ABR: variants seen among roughly 807,000 people sequenced by gnomAD.
ABR encodes the protein ABR activator of RhoGEF and GTPase.
Under a neutral mutation model 107.2 loss-of-function variants are expected in ABR, and 35 were observed. The observed-to-expected ratio is 0.33, with a 90% CI of 0.25 to 0.43. The LOEUF (loss-of-function observed/expected upper bound fraction) is 0.43, where lower values mean the gene tolerates loss of function less well. Among genes scored for constraint, ABR ranks in the 20% least tolerant of loss-of-function variants. The pLI is 1.00. For missense variants in ABR, 815 were observed against 1,115.2 expected, an observed-to-expected ratio of 0.73 and a Z score of 3.83; for synonymous variants, 498 against 462.0, an observed-to-expected ratio of 1.08 and a Z score of -1.00.
intron 2 of ABR, among the ~76,000 whole-genome samples, chr17:1,110,209 G>A (rs999110779): frequency 6.6e-6 from 1 of 151,924 alleles, no homozygotes; most frequent in Admixed American, 6.6e-5. Flanking sequence ...CAGGGAGTGA[G>A]GCCACATTCT....
intron 16 of ABR, chr17:1,022,634 A>G (rs2071788562): frequency 6.5e-6 from 1 of 154,348 alleles, no homozygotes; most frequent in African/African-American, 2.4e-5. Flanking sequence ...CAGGCTCCAT[A>G]AACTCTCCAC....
intron 1 of ABR, among the ~76,000 whole-genome samples, chr17:1,205,349 T>G (rs2042769468): frequency 6.6e-6 from 1 of 152,126 alleles, no homozygotes; most frequent in Admixed American, 6.5e-5. Flanking sequence ...AGTGCACAAA[T>G]GAGATACAAA....
intron 16 of ABR, among the ~76,000 whole-genome samples, chr17:1,034,937 A>G (rs1228773630): frequency 6.6e-6 from 1 of 152,000 alleles, no homozygotes; most frequent in Non-Finnish European, 1.5e-5. Flanking sequence ...CCACAGGCTC[A>G]ATACTTGTCT....
At chr17:1,024,718 G>A (rs2072028541) in intron 16 of ABR, among the ~76,000 whole-genome samples, 1 of 149,868 alleles carries the variant, frequency 6.7e-6, no homozygotes, top group Non-Finnish European at 1.5e-5. Flanking sequence ...CCTGGGAGAT[G>A]GAGGCTGCAG....
chr17:1,215,219 CAAAA>C (rs71148449), intron 1 of ABR, among the ~76,000 whole-genome samples: 2 of 135,880 alleles, frequency 1.5e-5, no homozygotes, highest in Non-Finnish European at 3.2e-5. Context: ...GACTCTGTCT[CAAAA>C]AAAAAAAAAA....
intron 2 of ABR, among the ~76,000 whole-genome samples, chr17:1,120,599 G>A (rs184618098): frequency 4.1e-4 from 63 of 152,294 alleles, no homozygotes; most frequent in African/African-American, 1.1e-3. Context: ...ATTTCAATTC[G>A]CCTCCACCCT....
intron 16 of ABR, among the ~76,000 whole-genome samples, chr17:1,033,662 CT>C (rs2072968020): frequency 6.6e-6 from 1 of 152,218 alleles, no homozygotes; most frequent in Admixed American, 6.5e-5. Flanking sequence ...TTCTTCCTGG[CT>C]CACACGTCAC....
intron 12 of ABR, 197 bp downstream of exon 12, chr17:1,057,773 C>G (rs1320741878): frequency 1.8e-6 from 1 of 557,052 alleles, no homozygotes; most frequent in Non-Finnish European, 3.2e-6. Flanking sequence ...AGGACTAAAT[C>G]ATCATGTCTT....
At position 1,010,063 on chromosome 17, in the gene ABR, CCT is replaced by C. The variant is rs2070399923; in HGVS notation, c.2237-281_2237-280del. The stretch of plus-strand genomic sequence containing the variant: ...ATAGGCCTTGGGTGCTGGGGCATCC[CCT>C]GTCTCGTAACAGGACACCCCCTGGT... On this transcript the variant is annotated intron_variant, in intron 20 of 22. Coordinates refer to ENST00000302538, the MANE Select transcript of ABR (RefSeq NM_021962.5). This position sits in a 1 kb window ranked among gnomAD's most constrained non-coding sequence, Gnocchi z 4.1. The C allele has an allele frequency of 1.8e-5, 10 of 541,600 alleles. No homozygotes were observed. The highest frequency in any genetic ancestry group is 3.1e-5 in the Admixed American group (1 of 32,298). The allele number at this position is 541,600 out of a possible 1,614,324, so 33.5% of individuals were successfully genotyped here.
chr17:1,024,725 G>A (rs2072029103), intron 16 of ABR, among the ~76,000 whole-genome samples: 1 of 149,444 alleles, frequency 6.7e-6, no homozygotes, highest in African/African-American at 2.5e-5. Flanking sequence ...GATGGAGGCT[G>A]CAGTGAGCCG....
At chr17:1,088,908 T>C (rs1460173163) in intron 4 of ABR, among the ~76,000 whole-genome samples, 2 of 148,432 alleles carry the variant, frequency 1.3e-5, no homozygotes, top group Admixed American at 1.4e-4. Context: ...TTTTTTTTTT[T>C]TTTTTGAGAC....
intron 1 of ABR, among the ~76,000 whole-genome samples, chr17:1,173,333 A>G (rs1387925651): frequency 3.1e-5 from 3 of 96,208 alleles, no homozygotes; most frequent in African/African-American, 7.7e-5. Context: ...AGCCCACCCA[A>G]CACATCACCT....
intron 16 of ABR, among the ~76,000 whole-genome samples, chr17:1,040,915 C>A (rs993418335): frequency 5.3e-5 from 8 of 152,174 alleles, no homozygotes; most frequent in African/African-American, 1.9e-4. Context: ...GATCCAAGTT[C>A]TCGTTTTCCT....
intron 16 of ABR, among the ~76,000 whole-genome samples, chr17:1,040,581 C>T (rs926213873): frequency 2.6e-5 from 4 of 152,172 alleles, no homozygotes; most frequent in Non-Finnish European, 5.9e-5. Flanking sequence ...CCAAAGGCCC[C>T]GACCCAGGGG....
intron 6 of ABR, 154 bp downstream of exon 6, chr17:1,079,176 T>A (rs575058763): frequency 2.7e-6 from 4 of 1,464,454 alleles, no homozygotes; most frequent in Non-Finnish European, 3.6e-6. Flanking sequence ...ACACGCGCAC[T>A]CAGCTCACAC....
Position 1,179,859 on chromosome 17 carries a change from G to A in ABR, c.-132C>T, listed in dbSNP as rs2042062335. ...CGAGGAGGCCGGGAACCAGGTCCCCGGGAGGAGCGCGGGGCGGCCGGGGCA... is the reference window on the plus strand; with the variant it reads ...CGAGGAGGCCGGGAACCAGGTCCCCAGGAGGAGCGCGGGGCGGCCGGGGCA... On this transcript the variant is annotated 5_prime_UTR_variant, in exon 1 of 23. Transcript: ENST00000302538. This position sits in a 1 kb window ranked among gnomAD's most constrained non-coding sequence, Gnocchi z 4.9. The A allele has an allele frequency of 2.1e-6, 2 of 963,306 alleles. No individual in the cohort carries two copies. Among genetic ancestry groups the A allele is most frequent in the Non-Finnish European group, 2.8e-6 (2 of 709,828 alleles). 59.7% of individuals were successfully genotyped at this position (963,306 alleles called of 1,614,324 possible). A position where few individuals can be genotyped will look rare whatever the true frequency, so the allele number is the denominator to read the frequency against.
chr17:1,162,430 G>T (rs1449355993), intron 1 of ABR, among the ~76,000 whole-genome samples: 1 of 152,174 alleles, frequency 6.6e-6, no homozygotes, highest in African/African-American at 2.4e-5. Flanking sequence ...CCCAGCAGGA[G>T]ATGAGAGGAA....
At chr17:1,158,998 CAG>C (rs140062411) in intron 1 of ABR, among the ~76,000 whole-genome samples, 2,997 of 152,324 alleles carry the variant, frequency 0.02, 102 homozygotes, top group African/African-American at 0.068. Context: ...TGGCGATGAG[CAG>C]AGACTCTTCA....
intron 16 of ABR, among the ~76,000 whole-genome samples, chr17:1,033,520 C>G (rs1009934150): frequency 1.3e-5 from 2 of 152,240 alleles, no homozygotes; most frequent in African/African-American, 4.8e-5. Flanking sequence ...CTGTGATGCC[C>G]TAGTGTGGCA....
Sources: allele counts gnomAD v4.1 joint callset (sites outside exome capture counted in the v4.1 genomes callset), GRCh38; gene constraint gnomAD v4.1.1; non-coding constraint Gnocchi (gnomAD v3.1); transcripts MANE v1.5; gene names NCBI Gene and HGNC (gene_info 2026-07-23, HGNC 2026-07-21).